Variants in NXPH1 observed in about 807,000 individuals in gnomAD.
NXPH1 encodes the protein neurexophilin-1.
A neutral mutation model predicts 23.7 loss-of-function variants in NXPH1; 5 were observed. The ratio of observed to expected loss-of-function variants is 0.21; its 90% confidence interval spans 0.11 to 0.44. NXPH1 has a LOEUF of 0.44. NXPH1 is among the 20% of genes least tolerant of loss of function. The pLI is 0.99. For synonymous variants in NXPH1, 144 were observed against 122.2 expected, an observed-to-expected ratio of 1.18 and a Z score of -1.18; for missense variants, 324 against 321.6, an observed-to-expected ratio of 1.01 and a Z score of -0.06.
chr7:8,710,730 T>G (rs1779778740), intron 2 of NXPH1, among the ~76,000 whole-genome samples: 1 of 124,544 alleles, frequency 8.0e-6, no homozygotes, highest in Admixed American at 9.1e-5. Flanking sequence ...TGGCGCAATC[T>G]CGGCTCACTG....
chr7:8,452,344 A>G (rs1490104638), intron 2 of NXPH1, among the ~76,000 whole-genome samples: 1 of 152,168 alleles, frequency 6.6e-6, no homozygotes, highest in Non-Finnish European at 1.5e-5. Flanking sequence ...ACCACTGATG[A>G]AACTTCAGTT....
chr7:8,509,405 T>A (rs1450689591), intron 2 of NXPH1, among the ~76,000 whole-genome samples: 1 of 152,134 alleles, frequency 6.6e-6, no homozygotes, highest in Non-Finnish European at 1.5e-5. Flanking sequence ...AGTGTTAACT[T>A]GTGCCCTGTC....
chr7:8,622,747 C>T (rs118094002), intron 2 of NXPH1, among the ~76,000 whole-genome samples: 212 of 152,202 alleles, frequency 1.4e-3, no homozygotes, highest in Non-Finnish European at 2.3e-3. Context: ...TTTGTGCAAA[C>T]GCTACACTAA....
At chr7:8,561,730 T>A (rs539849978) in intron 2 of NXPH1, among the ~76,000 whole-genome samples, 1 of 151,318 alleles carries the variant, frequency 6.6e-6, no homozygotes, top group South Asian at 2.1e-4. Context: ...GGTCCATGAG[T>A]TCTCAACAGG....
chr7:8,499,741 C>T (rs888443722), intron 2 of NXPH1, among the ~76,000 whole-genome samples: 2 of 152,046 alleles, frequency 1.3e-5, no homozygotes, highest in African/African-American at 2.4e-5. Context: ...AATGTCTATT[C>T]CCCGCTATTT....
At chr7:8,595,104 A>G (rs73675903) in intron 2 of NXPH1, among the ~76,000 whole-genome samples, 22,304 of 151,934 alleles carry the variant, frequency 0.15, 2,488 homozygotes, top group African/African-American at 0.3. Flanking sequence ...ACATCATCAT[A>G]ATGTTCTTTG....
intron 2 of NXPH1, among the ~76,000 whole-genome samples, chr7:8,736,654 C>A (rs141958772): frequency 6.6e-6 from 1 of 152,206 alleles, no homozygotes; most frequent in East Asian, 1.9e-4. Context: ...TCCTCTTGGT[C>A]CATAGCTGAG....
At chr7:8,446,839 A>G (rs1183216144) in intron 2 of NXPH1, among the ~76,000 whole-genome samples, 1 of 152,110 alleles carries the variant, frequency 6.6e-6, no homozygotes, top group Non-Finnish European at 1.5e-5. Context: ...ACGGTTAAAA[A>G]TCATGGTGAC....
At chr7:8,700,062 C>A (rs1019092225) in intron 2 of NXPH1, among the ~76,000 whole-genome samples, 1 of 152,142 alleles carries the variant, frequency 6.6e-6, no homozygotes, top group African/African-American at 2.4e-5. Flanking sequence ...GATAAATTTT[C>A]TTTTCATTAC....
At chr7:8,695,687 C>A (rs1378945853) in intron 2 of NXPH1, among the ~76,000 whole-genome samples, 1 of 152,092 alleles carries the variant, frequency 6.6e-6, no homozygotes. Context: ...GTATTTTGTG[C>A]CATAGTTAAA....
intron 2 of NXPH1, among the ~76,000 whole-genome samples, chr7:8,711,417 G>A (rs756498383): frequency 7.9e-5 from 12 of 152,136 alleles, no homozygotes; most frequent in African/African-American, 2.9e-4. Context: ...ACTGAGGCAG[G>A]CATGTAAGTT....
chr7:8,452,002 T>A (rs1816514553), intron 2 of NXPH1, among the ~76,000 whole-genome samples: 1 of 152,150 alleles, frequency 6.6e-6, no homozygotes. Context: ...GAATGAAAAT[T>A]GGGCAGTACA....
At chr7:8,503,228 T>C (rs943369335) in intron 2 of NXPH1, among the ~76,000 whole-genome samples, 1 of 152,026 alleles carries the variant, frequency 6.6e-6, no homozygotes, top group African/African-American at 2.4e-5. Context: ...ACTATTATTA[T>C]CCTTATTTTA....
At chr7:8,679,072 C>T (rs1325526799) in intron 2 of NXPH1, among the ~76,000 whole-genome samples, 3 of 150,990 alleles carry the variant, frequency 2.0e-5, no homozygotes, top group African/African-American at 7.3e-5. Flanking sequence ...CTCAACCTCC[C>T]GAGTAGCTGG....
intron 2 of NXPH1, among the ~76,000 whole-genome samples, chr7:8,531,933 T>A (rs1372036410): frequency 2.0e-5 from 3 of 152,194 alleles, no homozygotes; most frequent in Non-Finnish European, 4.4e-5. Context: ...GGAAACTATT[T>A]GTATCTGATC....
rs1343896049 is a variant in NXPH1, at chr7:8,751,259, C to T, written c.306C>T (p.Pro102=). The T allele has an allele frequency of 1.2e-6, 2 of 1,613,824 alleles. No homozygotes were observed. The highest frequency in any genetic ancestry group is 1.7e-6 in the Non-Finnish European group (2 of 1,179,866). The change falls in exon 3 of 3, where the codon CCC becomes CCT. Residue 102 remains proline, a synonymous_variant. Coordinates refer to ENST00000405863, the MANE Select transcript of NXPH1 (RefSeq NM_152745.3). The surrounding 1 kb of genome is among the most constrained non-coding windows in gnomAD (Gnocchi z 4.5). ...CCACAGACCTTCAAGAGCCTCGGCC[C>T]AGGGCCAAGAGAAGGCCCATTGTTA... ...RNSTDLQEPR[P]RAKRRPIVKT...
At position 8,477,283 on chromosome 7, in the gene NXPH1, C is replaced by T. The variant is rs115013760; in HGVS notation, c.54+41516C>T. ...ATATGCTTGTATACATTGTGTTTTA[C>T]TTACTCTTACTTGTTCCCCTCCCTA... is the stretch of plus-strand genomic sequence containing the variant. On this transcript the variant is annotated intron_variant, in intron 2 of 2. Transcript: ENST00000405863. 5.5e-3 allele frequency among the ~76,000 whole-genome samples: 835 copies of T among 152,216 alleles called. 8 individuals carry two copies. Among genetic ancestry groups the T allele is most frequent in the African/African-American group, 0.019 (809 of 41,550 alleles).
chr7:8,449,048 A>G (rs974103282), intron 2 of NXPH1, among the ~76,000 whole-genome samples: 31 of 152,318 alleles, frequency 2.0e-4, no homozygotes, highest in African/African-American at 7.2e-4. Flanking sequence ...AACATTTGAG[A>G]TTATCTTAAA....
At chr7:8,602,566 C>T (rs940578592) in intron 2 of NXPH1, among the ~76,000 whole-genome samples, 30 of 152,262 alleles carry the variant, frequency 2.0e-4, no homozygotes, top group Admixed American at 1.8e-3. Flanking sequence ...TAATGTCTTG[C>T]TTTACTCTGC....
Sources: gnomAD v4.1 joint callset for allele counts (sites outside exome capture counted in the v4.1 genomes callset) on GRCh38, gnomAD v4.1.1 for gene constraint, Gnocchi (gnomAD v3.1) non-coding constraint, MANE v1.5 for transcripts, NCBI Gene and HGNC (gene_info 2026-07-23, HGNC 2026-07-21) for gene names.